The following BOP1 variants were observed in gnomAD, a reference collection of about 807,000 sequenced individuals.
BOP1 encodes ribosome biogenesis protein BOP1.
A neutral mutation model predicts 82.9 loss-of-function variants in BOP1; 54 were observed. That is an observed-to-expected ratio of 0.65 (90% CI 0.52 to 0.82). The LOEUF (loss-of-function observed/expected upper bound fraction) is 0.82, where lower values mean the gene tolerates loss of function less well. Among genes scored for constraint, BOP1 ranks in the 40% least tolerant of loss-of-function variants. BOP1 has a pLI of 0.00. For missense variants in BOP1, 1,170 were observed against 1,072.0 expected, an observed-to-expected ratio of 1.09 and a Z score of -1.28; for synonymous variants, 566 against 451.1, an observed-to-expected ratio of 1.25 and a Z score of -3.23.
intron 14 of BOP1, 31 bp from the exon 15 acceptor site, chr8:144,262,534 C>A: frequency 6.2e-7 from 1 of 1,612,906 alleles, no homozygotes; most frequent in Non-Finnish European, 8.5e-7. Flanking sequence ...TGAAGGCAGG[C>A]TCGGGCTGAA....
intron 3 of BOP1, among the ~76,000 whole-genome samples, chr8:144,268,787 G>A (rs1422099477): frequency 6.6e-6 from 1 of 152,116 alleles, no homozygotes; most frequent in Non-Finnish European, 1.5e-5. Context: ...AGGCAGGGAC[G>A]CTGTAAGGCA....
At chr8:144,276,672 G>GCCACAGGACTCCTCCCAGGGGCC (rs1845571838) in intron 2 of BOP1, among the ~76,000 whole-genome samples, 1 of 152,220 alleles carries the variant, frequency 6.6e-6, no homozygotes, top group African/African-American at 2.4e-5. Context: ...TCATGTCAAA[G>GCCACAGGACTCCTCCCAGGGGCC]CCACAGGACT....
At chr8:144,270,792 A>T (rs1471030615) in intron 3 of BOP1, among the ~76,000 whole-genome samples, 6 of 151,870 alleles carry the variant, frequency 4.0e-5, no homozygotes, top group African/African-American at 1.5e-4. Flanking sequence ...TCACCTCCAC[A>T]GAGACCCAGG....
intron 3 of BOP1, among the ~76,000 whole-genome samples, chr8:144,271,435 C>T (rs1017987532): frequency 9.9e-4 from 150 of 152,192 alleles, no homozygotes; most frequent in African/African-American, 3.5e-3. Flanking sequence ...GCCCTCGCTC[C>T]GTCTCTCTCT....
intron 3 of BOP1, among the ~76,000 whole-genome samples, chr8:144,271,554 G>A (rs1261444349): frequency 2.0e-5 from 3 of 152,240 alleles, no homozygotes; most frequent in Admixed American, 2.0e-4. Context: ...CCTGTGCGAC[G>A]TGAGGCCGCC....
At position 144,263,084 on chromosome 8, in the gene BOP1, T is replaced by G; in HGVS notation, c.1663A>C (p.Thr555Pro). The G allele has an allele frequency of 6.3e-7, 1 of 1,590,540 alleles. No homozygotes were observed. The highest frequency in any genetic ancestry group is 8.5e-7 in the Non-Finnish European group (1 of 1,177,494). ...RGDYLAVVLA[T>P]QGHTQVLIHQ... is the part of the protein sequence containing the mutation. ...ATCAGCACCTGGGTGTGGCCTTGGG[T>G]GGCCAGCACCACGGCCAGGTAGTCC... The change falls in exon 13 of 16, where the codon ACC becomes CCC. Residue 555 changes from threonine (T) to proline (P), a missense_variant. Coordinates refer to ENST00000569669, the MANE Select transcript of BOP1 (RefSeq NM_015201.5).
chr8:144,264,467 G>A (rs915939956), intron 6 of BOP1, 30 bp from the exon 7 acceptor site: 3 of 1,606,964 alleles, frequency 1.9e-6, no homozygotes, highest in African/African-American at 2.7e-5. Context: ...AGGACGGGCA[G>A]TGCGGGGCGG....
At chr8:144,266,230 A>ACTACAGCCCAGAAGCGAC (rs1845358746) in intron 3 of BOP1, 1 of 152,288 alleles carries the variant, frequency 6.6e-6, no homozygotes, top group South Asian at 2.1e-4. Context: ...GCCCTGAGTA[A>ACTACAGCCCAGAAGCGAC]CTACAGCCCA....
rs1004871264 is a variant in BOP1, at chr8:144,272,537, G to A, written c.390+3687C>T. Among the ~76,000 whole-genome samples the A allele has an allele frequency of 2.6e-5, 4 of 152,278 alleles. No homozygotes were observed. The East Asian group carries it at 5.8e-4, about 22-fold the overall frequency. Reference sequence around the variant, plus strand: ...TCCACAGGCTGCTCTGCCAGCCCCAGGGCAAAGCCTCCGCTCAAGAGCCCT... The same window carrying A: ...TCCACAGGCTGCTCTGCCAGCCCCAAGGCAAAGCCTCCGCTCAAGAGCCCT... On this transcript the variant is annotated intron_variant, in intron 3 of 15. Coordinates refer to ENST00000569669, the MANE Select transcript of BOP1 (RefSeq NM_015201.5).
intron 2 of BOP1, 111 bp downstream of exon 2, chr8:144,288,984 G>T: frequency 8.2e-7 from 1 of 1,216,564 alleles, no homozygotes; most frequent in Non-Finnish European, 1.2e-6. Context: ...AGGGACGCCG[G>T]CCTTGGGGTT....
chr8:144,284,836 C>G (rs1257109306), intron 2 of BOP1, among the ~76,000 whole-genome samples: 1 of 152,336 alleles, frequency 6.6e-6, no homozygotes, highest in African/African-American at 2.4e-5. Context: ...GGGCAGAAAG[C>G]CAGAGGGAAG....
intron 2 of BOP1, among the ~76,000 whole-genome samples, chr8:144,286,372 ACAGGACACGCGGGCAGG>A (rs1814868628): frequency 4.7e-5 from 7 of 149,904 alleles, no homozygotes; most frequent in Admixed American, 2.7e-4. Context: ...CAGCTAAAGC[ACAGGACACGCGGGCAGG>A]TGCATGGGCG....
At position 144,262,193 on chromosome 8, in the gene BOP1, C is replaced by T; in HGVS notation, c.2212G>A (p.Ala738Thr). Residue 738 changes from alanine (A) to threonine (T), a missense_variant, in exon 16 of 16, where the codon GCA becomes ACA. By Grantham distance (58) the Ala-to-Thr change is moderately conservative. Coordinates refer to ENST00000569669, the MANE Select transcript of BOP1 (RefSeq NM_015201.5). ...GTGAAGAGGCGGACAGTCCCGTCTG[C>T]CCCCGAGGAGAAGACCCACGGCTGG... ...PTQPWVFSSGADGTVRLFT is the reference protein window; with the variant it reads ...PTQPWVFSSGTDGTVRLFT 1.9e-6 allele frequency: 3 copies of T among 1,612,610 alleles called. No homozygotes were observed. The highest frequency in any genetic ancestry group is 2.2e-5 in the East Asian group (1 of 44,872).
intron 3 of BOP1, chr8:144,268,113 C>T (rs1472819042): frequency 1.9e-6 from 3 of 1,551,238 alleles, no homozygotes; most frequent in South Asian, 1.2e-5. Flanking sequence ...GAGCAAGGAC[C>T]GCGACAGAAA....
Position 144,264,968 on chromosome 8 carries a change from G to T in BOP1, c.494C>A (p.Thr165Asn). The T allele has an allele frequency of 6.2e-7, 1 of 1,612,408 alleles. No individual in the cohort carries two copies. Among genetic ancestry groups the T allele is most frequent in the Non-Finnish European group, 8.5e-7 (1 of 1,179,750 alleles). The change falls in exon 4 of 16, where the codon ACC becomes AAC. Residue 165 changes from threonine (T) to asparagine (N), a missense_variant. By Grantham distance (65) the Thr-to-Asn change is moderately conservative (BLOSUM62 0). Coordinates refer to ENST00000569669, the MANE Select transcript of BOP1 (RefSeq NM_015201.5). ...CAGGAACTGGTCCAGCTCATCCCGG[G>T]TCCGCAGGGGCTTGTAGATGCGCCT... ...DGRRIYKPLR[T>N]RDELDQFLDK...
At chr8:144,266,935 G>A (rs1845383930) in intron 3 of BOP1, 6 of 1,558,340 alleles carry the variant, frequency 3.9e-6, no homozygotes, top group Non-Finnish European at 4.3e-6. Context: ...CGAGCCCGCC[G>A]ACCGCAAGCT....
intron 3 of BOP1, chr8:144,266,856 C>A: frequency 7.1e-7 from 1 of 1,407,940 alleles, no homozygotes; most frequent in Non-Finnish European, 9.3e-7. Context: ...ACACGGCGAA[C>A]GCGCGCGAGC....
At position 144,289,291 on chromosome 8, in the gene BOP1, C is replaced by T; in HGVS notation, c.113G>A (p.Cys38Tyr). The stretch of plus-strand genomic sequence containing the variant: ...GGTGCTGTGGCTGAGAGGAGAGGTG[C>T]AGAGGAGGGGGGGCTGCAAGGAAAC... ...PEPEPEPPLL[C>Y]TSPLSHSTGS... Residue 38 changes from cysteine (C) to tyrosine (Y), a missense_variant, in exon 2 of 16, where the codon TGC becomes TAC. Physicochemically the swap from Cys to Tyr is radical, Grantham distance 194. Coordinates refer to ENST00000569669, the MANE Select transcript of BOP1 (RefSeq NM_015201.5). The T allele has an allele frequency of 1.2e-6, 2 of 1,613,888 alleles. No individual in the cohort carries two copies. The highest frequency in any genetic ancestry group is 2.7e-5 in the African/African-American group (2 of 75,028).
rs370139421 is a variant in BOP1 at position 144,288,064 on chromosome 8, G to C, written c.309+1031C>G. ...GCAGATCACTTGAGGTCAGGAGTTCGAGACCAGCCTGGCCAACATGGTGAA... is the reference window on the plus strand; with the variant it reads ...GCAGATCACTTGAGGTCAGGAGTTCCAGACCAGCCTGGCCAACATGGTGAA... On this transcript the variant is annotated intron_variant, in intron 2 of 15. Coordinates refer to ENST00000569669, the MANE Select transcript of BOP1 (RefSeq NM_015201.5). 5.3e-5 allele frequency among the ~76,000 whole-genome samples: 8 copies of C among 152,122 alleles called. No individual in the cohort carries two copies. The East Asian group carries it at 1.4e-3, about 26-fold the overall frequency.
Sources: allele counts gnomAD v4.1 joint callset (sites outside exome capture counted in the v4.1 genomes callset), GRCh38; gene constraint gnomAD v4.1.1; transcripts MANE v1.5; gene names NCBI Gene and HGNC (gene_info 2026-07-23, HGNC 2026-07-21).